CA8: variants seen among roughly 807,000 people sequenced by gnomAD.
CA8 encodes carbonic anhydrase-related protein.
A neutral mutation model predicts 41.4 loss-of-function variants in CA8; 22 were observed. The observed-to-expected ratio is 0.53, with a 90% CI of 0.38 to 0.76. The LOEUF (loss-of-function observed/expected upper bound fraction) is 0.76. CA8 is among the 30% of genes least tolerant of loss of function. The pLI, the probability that CA8 is intolerant of heterozygous loss-of-function variation, is 0.00. For synonymous variants in CA8, 121 were observed against 130.6 expected (o/e 0.93, Z 0.50); for missense variants, 270 against 352.8 (o/e 0.77, Z 1.88).
intron 5 of CA8, among the ~76,000 whole-genome samples, chr8:60,225,389 G>A (rs1368951902): frequency 5.9e-5 from 9 of 152,136 alleles, no homozygotes; most frequent in Admixed American, 5.9e-4. Context: ...AAAGAATCTA[G>A]CTTACTTGCC....
At chr8:60,238,384 C>T (rs190143515) in intron 3 of CA8, among the ~76,000 whole-genome samples, 26 of 152,282 alleles carry the variant, frequency 1.7e-4, no homozygotes, top group Admixed American at 1.4e-3. Flanking sequence ...TTTCCCCAGC[C>T]CTGGGCACTC....
chr8:60,230,000 G>C (rs1262140689), intron 4 of CA8, among the ~76,000 whole-genome samples: 1 of 152,156 alleles, frequency 6.6e-6, no homozygotes, highest in East Asian at 1.9e-4. Flanking sequence ...AATCCCAAGG[G>C]GGTTTCCCTC....
In CA8 at chr8:60,277,153, T is replaced by G. The variant is rs546422384; in HGVS notation, c.292+2536A>C. On this transcript the variant is annotated intron_variant, in intron 2 of 8. Transcript: ENST00000317995. ...AAAAAAAAAGGAAAGAAAATTGGCCTCGTCTTCAATAGTAGAGAGTTCATA... is the reference window on the plus strand; with the variant it reads ...AAAAAAAAAGGAAAGAAAATTGGCCGCGTCTTCAATAGTAGAGAGTTCATA... Among the ~76,000 whole-genome samples the G allele has an allele frequency of 7.0e-4, 100 of 142,588 alleles. 1 individual carries two copies. The South Asian group carries it at 0.022, about 31-fold the overall frequency. 93.5% of individuals were successfully genotyped at this position (142,588 alleles called of 152,430 possible).
chr8:60,188,480 G>T lies in CA8; in HGVS notation c.*1541C>A. 3 of 152,276 alleles carry T rather than the reference G, an allele frequency of 2.0e-5. No homozygotes were observed. The South Asian group carries it at 6.2e-4, about 32-fold the overall frequency. The allele number at this position is 152,276 out of a possible 1,614,324, so 9.4% of individuals were successfully genotyped here. A position where few individuals can be genotyped will look rare whatever the true frequency, so the allele number is the denominator to read the frequency against. ...TTTGATGTTAATTACAAATAAGGCT[G>T]CACGTGTGCAGCCAATGTTTGGCAT... is the stretch of plus-strand genomic sequence containing the variant. On this transcript the variant is annotated 3_prime_UTR_variant, in exon 9 of 9. Coordinates refer to ENST00000317995, the MANE Select transcript of CA8 (RefSeq NM_004056.6).
chr8:60,265,306 T>TAC (rs1563379154), intron 3 of CA8: 1 of 154,232 alleles, frequency 6.5e-6, no homozygotes, highest in Non-Finnish European at 1.4e-5. Flanking sequence ...CTATCAAGCA[T>TAC]ACAGGGAGCA....
chr8:60,265,663 A>G (rs1803878424), intron 3 of CA8: 2 of 434,102 alleles, frequency 4.6e-6, no homozygotes, highest in Non-Finnish European at 8.4e-6. Context: ...TTTTACAAGA[A>G]TAGTAACACT....
At position 60,189,429 on chromosome 8, in the gene CA8, GC is replaced by G. The variant is rs1806050466; in HGVS notation, c.*591del. The G allele has an allele frequency of 6.6e-6, 1 of 152,122 alleles. No homozygotes were observed. Among genetic ancestry groups the G allele is most frequent in the East Asian group, 1.9e-4 (1 of 5,178 alleles). The allele number at this position is 152,122 out of a possible 1,614,324, so 9.4% of individuals were successfully genotyped here. A position where few individuals can be genotyped will look rare whatever the true frequency, so the allele number is the denominator to read the frequency against. The stretch of plus-strand genomic sequence containing the variant: ...GTGAGTATTATGTTGCTGCATTAAT[GC>G]CAAAAAATGTTTCCCATGGCAATCC... On this transcript the variant is annotated 3_prime_UTR_variant, in exon 9 of 9. Transcript: ENST00000317995.
At chr8:60,259,177 C>T (rs577358257) in intron 3 of CA8, among the ~76,000 whole-genome samples, 1 of 152,114 alleles carries the variant, frequency 6.6e-6, no homozygotes, top group South Asian at 2.1e-4. Context: ...GATGGCCACC[C>T]AGTTATGGAC....
intron 3 of CA8, among the ~76,000 whole-genome samples, chr8:60,233,741 A>T (rs759555616): frequency 5.9e-5 from 9 of 152,224 alleles, no homozygotes; most frequent in Non-Finnish European, 1.0e-4. Flanking sequence ...TATTCCACAA[A>T]TTACAAAATT....
At chr8:60,219,059 G>A (rs987014436) in intron 7 of CA8, among the ~76,000 whole-genome samples, 1 of 152,042 alleles carries the variant, frequency 6.6e-6, no homozygotes, top group Non-Finnish European at 1.5e-5. Flanking sequence ...GAAGTTATCA[G>A]CCTCAGGAAA....
At chr8:60,203,118 G>A (rs1031278369) in intron 8 of CA8, among the ~76,000 whole-genome samples, 1 of 152,144 alleles carries the variant, frequency 6.6e-6, no homozygotes, top group African/African-American at 2.4e-5. Context: ...AGACTTCATG[G>A]AGGTAAAACC....
In CA8 at chr8:60,263,474, G is replaced by GA. The variant is rs112855284; in HGVS notation, c.417+2450dup. 5.6e-3 allele frequency among the ~76,000 whole-genome samples: 780 copies of GA among 140,056 alleles called. 5 individuals are homozygous for GA. Among genetic ancestry groups the GA allele is most frequent in the African/African-American group, 0.018 (691 of 38,494 alleles). The allele number at this position is 140,056 out of a possible 152,430, so 91.9% of individuals were successfully genotyped here. A position where few individuals can be genotyped will look rare whatever the true frequency, so the allele number is the denominator to read the frequency against. On this transcript the variant is annotated intron_variant, in intron 3 of 8. Transcript: ENST00000317995. ...AAGGTGCATGGATGTGTGATTTTGA[G>GA]AAAAAAAAAAAGTCAGTCTTAAAAT... is the stretch of plus-strand genomic sequence containing the variant.
At chr8:60,257,098 G>GA (rs1808666228) in intron 3 of CA8, among the ~76,000 whole-genome samples, 1 of 151,990 alleles carries the variant, frequency 6.6e-6, no homozygotes, top group Admixed American at 6.6e-5. Context: ...TCGTGCCTTA[G>GA]TCTCCGGTAG....
At chr8:60,204,140 C>T (rs896482994) in intron 8 of CA8, among the ~76,000 whole-genome samples, 48 of 152,276 alleles carry the variant, frequency 3.2e-4, no homozygotes, top group Middle Eastern at 3.4e-3. Context: ...TAAATTCTTT[C>T]CTTAGCTAAT....
intron 8 of CA8, among the ~76,000 whole-genome samples, chr8:60,193,208 T>G (rs1266258457): frequency 2.6e-5 from 4 of 152,120 alleles, no homozygotes; most frequent in Non-Finnish European, 5.9e-5. Context: ...CATAACTGAT[T>G]CAATGCACAA....
intron 8 of CA8, among the ~76,000 whole-genome samples, chr8:60,201,033 T>C (rs1026314585): frequency 1.4e-4 from 21 of 152,136 alleles, no homozygotes; most frequent in Non-Finnish European, 2.1e-4. Flanking sequence ...TGGAAACACA[T>C]AGATGGCTTT....
intron 3 of CA8, among the ~76,000 whole-genome samples, chr8:60,260,742 T>C (rs1348955417): frequency 6.6e-6 from 1 of 152,246 alleles, no homozygotes; most frequent in African/African-American, 2.4e-5. Flanking sequence ...TCTTTAGTGA[T>C]ATATCTTGTA....
chr8:60,222,798 G>T (rs757551026), intron 6 of CA8, 37 bp from the exon 7 acceptor site: 2 of 1,273,558 alleles, frequency 1.6e-6, no homozygotes, highest in South Asian at 1.2e-5. Flanking sequence ...GAAAAGGCAA[G>T]TGAATTAATA....
At chr8:60,201,398 GGACTCCAACATTAAGTA>G (rs1271473511) in intron 8 of CA8, among the ~76,000 whole-genome samples, 8 of 152,118 alleles carry the variant, frequency 5.3e-5, no homozygotes, top group African/African-American at 1.9e-4. Context: ...AACATTAAGT[GGACTCCAACATTAAGTA>G]GCCTCCTAAA....
Sources: allele counts gnomAD v4.1 joint callset (sites outside exome capture counted in the v4.1 genomes callset), GRCh38; gene constraint gnomAD v4.1.1; transcripts MANE v1.5; gene names NCBI Gene and HGNC (gene_info 2026-07-23, HGNC 2026-07-21).